Variants in MAST2 observed in about 807,000 individuals in gnomAD.
MAST2 encodes the protein microtubule associated serine/threonine kinase 2.
A neutral mutation model predicts 147.4 loss-of-function variants in MAST2; 70 were observed. That is an observed-to-expected ratio of 0.47 (90% confidence interval 0.39 to 0.58). MAST2 has a LOEUF of 0.58. Ranked by LOEUF, MAST2 falls within the 20% of genes least tolerant of loss-of-function variation. The pLI is 0.00. For synonymous variants in MAST2, 869 were observed against 896.8 expected (o/e 0.97, Z 0.55); for missense variants, 2,080 against 2,302.3 (o/e 0.90, Z 1.98).
chr1:45,897,335 C>T (rs1407822861), intron 4 of MAST2, among the ~76,000 whole-genome samples: 2 of 152,184 alleles, frequency 1.3e-5, no homozygotes, highest in Non-Finnish European at 2.9e-5. Context: ...GGGGTGAAAG[C>T]ACTACTCACC....
intron 3 of MAST2, among the ~76,000 whole-genome samples, chr1:45,860,943 A>G (rs956349312): frequency 1.3e-5 from 2 of 152,128 alleles, no homozygotes; most frequent in African/African-American, 4.8e-5. Flanking sequence ...TGTTGACCTC[A>G]TTATCATTTC....
In MAST2 at chr1:46,035,027, G is replaced by T. The variant is rs113768490; in HGVS notation, c.4358G>T (p.Gly1453Val). 2 of 1,613,998 alleles carry T rather than the reference G, an allele frequency of 1.2e-6. No individual in the cohort carries two copies. Among genetic ancestry groups the T allele is most frequent in the African/African-American group, 2.7e-5 (2 of 75,048 alleles). The change falls in exon 29 of 29, where the codon GGA becomes GTA. Residue 1453 changes from glycine (G) to valine (V), a missense_variant. Coordinates refer to ENST00000361297, the MANE Select transcript of MAST2 (RefSeq NM_015112.3). This position sits in a 1 kb window ranked among gnomAD's most constrained non-coding sequence, Gnocchi z 5.5. ...PREVSPLEVV[G>V]ARSVLSGKGA... ...GAAGTGAGCCCTCTGGAGGTAGTTG[G>T]AGCCAGGAGTGTGCTGTCTGGCAAG... is the stretch of plus-strand genomic sequence containing the variant.
chr1:45,965,699 GAA>G (rs1356835356), intron 5 of MAST2, among the ~76,000 whole-genome samples: 2 of 151,988 alleles, frequency 1.3e-5, no homozygotes, highest in African/African-American at 4.8e-5. Context: ...AGCCATTCGA[GAA>G]ATGGAAACTC....
rs115354764 is a variant in MAST2 at position 46,027,414 on chromosome 1, C to T, written c.1920-317C>T. Among the ~76,000 whole-genome samples, 231 of 152,290 alleles carry T rather than the reference C, an allele frequency of 1.5e-3. 3 individuals are homozygous for T. The highest frequency in any genetic ancestry group is 5.4e-3 in the African/African-American group (225 of 41,558). ...GCAGCTGCCTTAGGATGAGGCTGAT[C>T]TCAGCTCTGTAGAAGAAACTCTGTT... On this transcript the variant is annotated intron_variant, in intron 16 of 28. Coordinates refer to ENST00000361297, the MANE Select transcript of MAST2 (RefSeq NM_015112.3).
intron 8 of MAST2, chr1:46,006,654 C>G (rs978300884): frequency 3.3e-5 from 9 of 272,678 alleles, no homozygotes; most frequent in Non-Finnish European, 6.1e-5. Flanking sequence ...TTTGCTAACC[C>G]CTGGCATAAT....
At chr1:45,978,031 C>T (rs946946384) in intron 5 of MAST2, among the ~76,000 whole-genome samples, 1 of 151,908 alleles carries the variant, frequency 6.6e-6, no homozygotes, top group African/African-American at 2.4e-5. Flanking sequence ...GCCTGGGCAA[C>T]ATAGTGAAAC....
chr1:45,911,391 G>A (rs906282077), intron 4 of MAST2, among the ~76,000 whole-genome samples: 10 of 152,094 alleles, frequency 6.6e-5, no homozygotes, highest in African/African-American at 2.4e-4. Flanking sequence ...AAGGAGCTCC[G>A]TGTTCTCTCT....
chr1:45,890,435 T>G (rs796360243), intron 4 of MAST2, among the ~76,000 whole-genome samples: 21 of 152,360 alleles, frequency 1.4e-4, no homozygotes, highest in African/African-American at 5.0e-4. Context: ...GCCTTCTTGC[T>G]GTGTGCTCAC....
chr1:45,901,184 G>A (rs2148485488), intron 4 of MAST2, among the ~76,000 whole-genome samples: 1 of 152,256 alleles, frequency 6.6e-6, no homozygotes, highest in African/African-American at 2.4e-5. Context: ...TATATATGGT[G>A]AGAGATAGGG....
intron 3 of MAST2, among the ~76,000 whole-genome samples, chr1:45,852,153 C>T (rs1474801720): frequency 6.6e-6 from 1 of 151,982 alleles, no homozygotes; most frequent in Non-Finnish European, 1.5e-5. Flanking sequence ...TCTTTATATA[C>T]ACTTGTATAT....
intron 5 of MAST2, among the ~76,000 whole-genome samples, chr1:45,969,445 T>C (rs545074025): frequency 2.0e-5 from 3 of 152,276 alleles, no homozygotes; most frequent in South Asian, 4.1e-4. Context: ...GACAATCAAG[T>C]GAAGCTACAT....
At chr1:45,844,919 C>A (rs998196576) in intron 3 of MAST2, among the ~76,000 whole-genome samples, 1 of 152,094 alleles carries the variant, frequency 6.6e-6, no homozygotes, top group Non-Finnish European at 1.5e-5. Context: ...CTGATGAGGG[C>A]TTTCTTGGTG....
Position 46,030,197 on chromosome 1 carries a change from G to A in MAST2, c.2512G>A (p.Glu838Lys). Residue 838 changes from glutamate (E) to lysine (K), a missense_variant, in exon 21 of 29, where the codon GAG becomes AAG. Around this residue, in one of 4 missense-constraint regions of MAST2, gnomAD observed 1,278 missense variants for 1,304.2 expected, o/e 0.98. Coordinates refer to ENST00000361297, the MANE Select transcript of MAST2 (RefSeq NM_015112.3). ...AGAAGTGAGTGAGGATGGCTGCCTTGAGATCCGCCAGTTCTCTTCCTGCTC... is the reference window on the plus strand; with the variant it reads ...AGAAGTGAGTGAGGATGGCTGCCTTAAGATCCGCCAGTTCTCTTCCTGCTC... ...EEEVSEDGCL[E>K]IRQFSSCSPR... 1.2e-6 allele frequency: 2 copies of A among 1,614,224 alleles called. No homozygotes were observed. Among genetic ancestry groups the A allele is most frequent in the African/African-American group, 1.3e-5 (1 of 75,050 alleles).
chr1:45,898,078 C>T (rs961129421), intron 4 of MAST2, among the ~76,000 whole-genome samples: 2 of 152,216 alleles, frequency 1.3e-5, no homozygotes, highest in African/African-American at 4.8e-5. Flanking sequence ...CGCTGTACTC[C>T]AGCCTGGGCG....
chr1:45,864,973 G>A, intron 3 of MAST2: 3 of 379,128 alleles, frequency 7.9e-6, no homozygotes, highest in South Asian at 6.1e-5. Context: ...TGGACAGAGG[G>A]ATAACTGGTT....
At chr1:45,997,675 C>T (rs1490185504) in intron 5 of MAST2, 49 bp from the exon 6 acceptor site, 12 of 1,434,254 alleles carry the variant, frequency 8.4e-6, no homozygotes, top group Non-Finnish European at 1.2e-5. Context: ...CATGTCCACC[C>T]TCCTCACAAG....
At chr1:45,901,636 G>C (rs1649785465) in intron 4 of MAST2, among the ~76,000 whole-genome samples, 1 of 152,030 alleles carries the variant, frequency 6.6e-6, no homozygotes, top group Non-Finnish European at 1.5e-5. Flanking sequence ...TTTTCCATTT[G>C]TTTGTGTTGT....
At chr1:45,832,851 G>T (rs1413355060) in intron 3 of MAST2, among the ~76,000 whole-genome samples, 2 of 152,080 alleles carry the variant, frequency 1.3e-5, no homozygotes, top group Non-Finnish European at 2.9e-5. Context: ...ATTTTTTGGT[G>T]TATTTCACAG....
chr1:45,966,625 C>T (rs536818798), intron 5 of MAST2, among the ~76,000 whole-genome samples: 8 of 151,904 alleles, frequency 5.3e-5, no homozygotes, highest in Admixed American at 1.3e-4. Flanking sequence ...GGGAGGCTGA[C>T]GCAGGAGAAT....
Sources: allele counts gnomAD v4.1 joint callset (sites outside exome capture counted in the v4.1 genomes callset), GRCh38; gene constraint gnomAD v4.1.1; regional missense constraint gnomAD v4.1.1; non-coding constraint Gnocchi (gnomAD v3.1); transcripts MANE v1.5; gene names NCBI Gene and HGNC (gene_info 2026-07-23, HGNC 2026-07-21).